Variants in HPSE2 observed in about 807,000 individuals in gnomAD.
HPSE2 encodes heparanase 2 (inactive), also known as inactive heparanase-2.
A neutral mutation model predicts 60.5 loss-of-function variants in HPSE2; 38 were observed. The observed-to-expected ratio is 0.63, with a 90% confidence interval of 0.48 to 0.82. The LOEUF (loss-of-function observed/expected upper bound fraction) is 0.82, where lower values mean the gene tolerates loss of function less well. Ranked by LOEUF, HPSE2 falls within the 40% of genes least tolerant of loss-of-function variation. The pLI is 0.00. For synonymous variants in HPSE2, 295 were observed against 293.2 expected (o/e 1.01, Z -0.06); for missense variants, 713 against 740.4 (o/e 0.96, Z 0.43).
intron 9 of HPSE2, among the ~76,000 whole-genome samples, chr10:98,550,797 T>G (rs914045477): frequency 6.6e-6 from 1 of 151,854 alleles, no homozygotes; most frequent in African/African-American, 2.4e-5. Flanking sequence ...TTTGTAGAGA[T>G]AGGGTCTTGC....
intron 9 of HPSE2, among the ~76,000 whole-genome samples, chr10:98,585,724 G>A (rs916801898): frequency 6.6e-6 from 1 of 151,752 alleles, no homozygotes; most frequent in Non-Finnish European, 1.5e-5. Flanking sequence ...GGCCGAGGTG[G>A]GTGGATCACC....
intron 3 of HPSE2, among the ~76,000 whole-genome samples, chr10:98,915,930 T>C (rs774220641): frequency 1.3e-5 from 2 of 151,822 alleles, no homozygotes; most frequent in African/African-American, 2.4e-5. Flanking sequence ...AAAGAAAGGA[T>C]AGAAGGAAAC....
intron 2 of HPSE2, among the ~76,000 whole-genome samples, chr10:99,191,060 G>A (rs1343889638): frequency 6.6e-6 from 1 of 152,158 alleles, no homozygotes; most frequent in African/African-American, 2.4e-5. Flanking sequence ...GGGGAAAGAA[G>A]AAGGGGAAGG....
chr10:98,808,790 T>A (rs185695781), intron 3 of HPSE2, among the ~76,000 whole-genome samples: 1 of 152,250 alleles, frequency 6.6e-6, no homozygotes, highest in East Asian at 1.9e-4. Context: ...ATTATTACAT[T>A]TAGAGTGCCC....
intron 9 of HPSE2, among the ~76,000 whole-genome samples, chr10:98,503,539 A>T (rs1426839125): frequency 6.6e-6 from 1 of 152,236 alleles, no homozygotes; most frequent in Admixed American, 6.5e-5. Context: ...AAAATAAGTC[A>T]TTATATGAAA....
chr10:98,664,093 G>A (rs914152914), intron 6 of HPSE2, among the ~76,000 whole-genome samples: 1 of 152,046 alleles, frequency 6.6e-6, no homozygotes, highest in African/African-American at 2.4e-5. Context: ...GGTGGGTACA[G>A]CTCTTTGTTA....
chr10:98,669,156 G>C (rs906031904), intron 6 of HPSE2, among the ~76,000 whole-genome samples: 1 of 152,110 alleles, frequency 6.6e-6, no homozygotes, highest in Non-Finnish European at 1.5e-5. Context: ...CTAATCATTA[G>C]AGAAATGCAA....
chr10:98,967,096 G>C (rs1037998101), intron 3 of HPSE2, among the ~76,000 whole-genome samples: 2 of 152,176 alleles, frequency 1.3e-5, no homozygotes, highest in African/African-American at 2.4e-5. Context: ...TAGGAGAAGG[G>C]GGTAGACTCC....
At position 98,801,500 on chromosome 10, in the gene HPSE2, G is replaced by A. The variant is rs181245300; in HGVS notation, c.611-57444C>T. On this transcript the variant is annotated intron_variant, in intron 3 of 11. Coordinates refer to ENST00000370552, the MANE Select transcript of HPSE2 (RefSeq NM_021828.5). The stretch of plus-strand genomic sequence containing the variant: ...AAAACTATCTAAATGAATTCAGTAA[G>A]TTGCAGGATACAAAATCAACATGAA... Among the ~76,000 whole-genome samples the A allele has an allele frequency of 4.7e-4, 72 of 152,162 alleles. 1 individual carries two copies. Among genetic ancestry groups the A allele is most frequent in the Admixed American group, 3.1e-3 (47 of 15,258 alleles).
intron 2 of HPSE2, among the ~76,000 whole-genome samples, chr10:99,184,849 GAGAGAGAGAGAGAGAC>G: frequency 8.6e-6 from 1 of 116,368 alleles, no homozygotes; most frequent in Non-Finnish European, 1.9e-5. Context: ...GAGAGAGAGA[GAGAGAGAGAGAGAGAC>G]AGAAACACTG....
At chr10:99,254,242 C>A in the HPSE2 span, among the ~76,000 whole-genome samples, 1 of 151,924 alleles carries the variant, frequency 6.6e-6, no homozygotes, top group Non-Finnish European at 1.5e-5. Context: ...ATAAAGAAAA[C>A]AAAATCACAT....
chr10:98,758,926 G>C (rs1016999663), intron 3 of HPSE2, among the ~76,000 whole-genome samples: 4 of 152,138 alleles, frequency 2.6e-5, no homozygotes, highest in African/African-American at 9.7e-5. Flanking sequence ...TGAAGACATG[G>C]AATCAACCTA....
At chr10:98,682,599 G>A (rs748895628) in intron 6 of HPSE2, among the ~76,000 whole-genome samples, 1 of 152,142 alleles carries the variant, frequency 6.6e-6, no homozygotes, top group South Asian at 2.1e-4. Flanking sequence ...ACCATAGTGA[G>A]AGGATATCAT....
At chr10:98,582,276 G>A (rs3911757) in intron 9 of HPSE2, among the ~76,000 whole-genome samples, 85,608 of 152,076 alleles carry the variant, frequency 0.56, 24,318 homozygotes, top group Middle Eastern at 0.65. Flanking sequence ...ACACTAAAAT[G>A]TTTTACTGAA....
intron 3 of HPSE2, among the ~76,000 whole-genome samples, chr10:98,932,595 G>C (rs1275043625): frequency 9.2e-6 from 1 of 108,494 alleles, no homozygotes; most frequent in Non-Finnish European, 1.9e-5. Context: ...ACTCCATCTG[G>C]AGCTGGGCTT....
chr10:98,691,971 G>A lies in HPSE2; in HGVS notation c.1004+1929C>T, dbSNP rs144066901. On this transcript the variant is annotated intron_variant, in intron 6 of 11. Transcript: ENST00000370552. Reference sequence around the variant, plus strand: ...AAACTATTGTCTAAATAAGTACTTGGTGAATTGAATAAGTGCCATTATGGT... The same window carrying A: ...AAACTATTGTCTAAATAAGTACTTGATGAATTGAATAAGTGCCATTATGGT... Among the ~76,000 whole-genome samples the A allele has an allele frequency of 5.6e-3, 850 of 152,070 alleles. 6 individuals carry two copies. The highest frequency in any genetic ancestry group is 0.02 in the African/African-American group (813 of 41,456).
At chr10:99,306,698 GTTTT>G in the HPSE2 span, among the ~76,000 whole-genome samples, 2 of 151,920 alleles carry the variant, frequency 1.3e-5, no homozygotes, top group Non-Finnish European at 2.9e-5. Flanking sequence ...TTCTTCACTT[GTTTT>G]TTTGTTTGTT....
At chr10:99,221,567 GAATT>G (rs1314599902) in intron 2 of HPSE2, among the ~76,000 whole-genome samples, 5 of 152,250 alleles carry the variant, frequency 3.3e-5, no homozygotes, top group East Asian at 1.9e-4. Context: ...TTTCATAAAT[GAATT>G]AATTAAACAC....
At chr10:98,944,151 G>A (rs1262238823) in intron 3 of HPSE2, among the ~76,000 whole-genome samples, 1 of 152,150 alleles carries the variant, frequency 6.6e-6, no homozygotes, top group African/African-American at 2.4e-5. Flanking sequence ...CAATTTGAAA[G>A]GCAAAGGGTA....
Sources: allele counts gnomAD v4.1 joint callset (sites outside exome capture counted in the v4.1 genomes callset), GRCh38; gene constraint gnomAD v4.1.1; transcripts MANE v1.5; gene names NCBI Gene and HGNC (gene_info 2026-07-23, HGNC 2026-07-21).